The following YIF1A variants were observed in gnomAD, a reference collection of about 807,000 sequenced individuals.
The protein encoded by YIF1A is protein YIF1A.
Under a neutral mutation model 32.6 loss-of-function variants are expected in YIF1A, and 28 were observed. That is an observed-to-expected ratio of 0.86 (90% CI 0.64 to 1.18). The LOEUF (loss-of-function observed/expected upper bound fraction) is 1.18. YIF1A is among the 50% of genes most tolerant of loss of function. The pLI, the probability that YIF1A is intolerant of heterozygous loss-of-function variation, is 0.00. For missense variants in YIF1A, 373 were observed against 390.8 expected (o/e 0.95, Z 0.38); for synonymous variants, 175 against 162.2 (o/e 1.08, Z -0.60).
chr11:66,287,825 G>C lies in YIF1A; in HGVS notation c.335C>G (p.Pro112Arg), dbSNP rs989763212. The C allele has an allele frequency of 1.2e-6, 2 of 1,614,060 alleles. No homozygotes were observed. Among genetic ancestry groups the C allele is most frequent in the Non-Finnish European group, 8.5e-7 (1 of 1,179,994 alleles). ...VAKKLGLLVF[P>R]YTHQNWEVQY... ...TAGGAAGCTCACCTGGTGTGTGTAG[G>C]GGAAGACCAGCAGCCCTAGCTTCTT... Residue 112 changes from proline to arginine, a missense_variant, in exon 3 of 8, where the codon CCC becomes CGC. Transcript: ENST00000376901.
At chr11:66,287,952 A>G in intron 2 of YIF1A, 36 bp from the exon 3 acceptor site, 22 of 1,609,442 alleles carry the variant, frequency 1.4e-5, no homozygotes, top group Non-Finnish European at 1.9e-5. Flanking sequence ...GGCAAGCCGC[A>G]CCCCAGGCCT....
At position 66,285,369 on chromosome 11, in the gene YIF1A, A is replaced by C. The variant is rs1458713717; in HGVS notation, c.641+12T>G. 1.2e-6 allele frequency: 2 copies of C among 1,607,452 alleles called. No individual in the cohort carries two copies. The stretch of plus-strand genomic sequence containing the variant: ...ATCCAAGGCCACCTCCCCCTGGCCC[A>C]CAAGTGCTCACCCCACGTATTTGTA... On this transcript the variant is annotated intron_variant, in intron 6 of 7. Transcript: ENST00000376901.
In YIF1A at chr11:66,285,681, G is replaced by C; in HGVS notation, c.485+20C>G. Reference sequence around the variant, plus strand: ...AGAGCTCACAGGGAGGGGAGGGTAAGGGAGGGGCTTGGCACTGACCTTTTC... The same window carrying C: ...AGAGCTCACAGGGAGGGGAGGGTAACGGAGGGGCTTGGCACTGACCTTTTC... On this transcript the variant is annotated intron_variant, in intron 5 of 7. Coordinates refer to ENST00000376901, the MANE Select transcript of YIF1A (RefSeq NM_020470.3). 15 of 1,613,322 alleles carry C rather than the reference G, an allele frequency of 9.3e-6. No individual in the cohort carries two copies. The highest frequency in any genetic ancestry group is 1.3e-5 in the Non-Finnish European group (15 of 1,179,854).
At chr11:66,287,563 C>G (rs959632137) in intron 4 of YIF1A, 35 bp downstream of exon 4, 7 of 1,590,404 alleles carry the variant, frequency 4.4e-6, no homozygotes, top group Non-Finnish European at 6.0e-6. Flanking sequence ...CCGACCCCAC[C>G]CCACCACGTT....
chr11:66,284,613 T>C lies in YIF1A; in HGVS notation c.*24A>G. The C allele has an allele frequency of 6.2e-7, 1 of 1,610,516 alleles. No homozygotes were observed. Among genetic ancestry groups the C allele is most frequent in the South Asian group, 1.1e-5 (1 of 90,898 alleles). Reference sequence around the variant, plus strand: ...ATCAAATCTTCAATGAATGAAAAACTCAGTGCCATCTGGGGCCAGGGGGTC... The same window carrying C: ...ATCAAATCTTCAATGAATGAAAAACCCAGTGCCATCTGGGGCCAGGGGGTC... On this transcript the variant is annotated 3_prime_UTR_variant, in exon 8 of 8. Coordinates refer to ENST00000376901, the MANE Select transcript of YIF1A (RefSeq NM_020470.3).
At chr11:66,285,248 G>T in intron 6 of YIF1A, 133 bp downstream of exon 6, 1 of 1,351,148 alleles carries the variant, frequency 7.4e-7, no homozygotes. Flanking sequence ...GACTGCTGGA[G>T]ACAGCTGCTC....
chr11:66,288,113 C>A lies in YIF1A; in HGVS notation c.211G>T (p.Ala71Ser). The change falls in exon 2 of 8, where the codon GCA becomes TCA. Residue 71 changes from alanine (A) to serine (S), a missense_variant. Physicochemically the swap from Ala to Ser is moderately conservative, Grantham distance 99. Transcript: ENST00000376901. ...NVAMAYGSSI[A>S]SHGKDMVHKE... ...TGCACCATGTCCTTCCCATGGGATG[C>A]GATGGAGCTGCCATAGGCCATAGCC... 1.2e-6 allele frequency: 2 copies of A among 1,613,934 alleles called. No homozygotes were observed. The highest frequency in any genetic ancestry group is 1.7e-6 in the Non-Finnish European group (2 of 1,179,998).
intron 7 of YIF1A, 35 bp from the exon 8 acceptor site, chr11:66,284,818 G>T: frequency 6.2e-7 from 1 of 1,612,030 alleles, no homozygotes; most frequent in Non-Finnish European, 8.5e-7. Flanking sequence ...TGGCCAGGAG[G>T]GGGAGGTTTG....
intron 1 of YIF1A, 59 bp downstream of exon 1, chr11:66,288,896 G>A (rs1198985097): frequency 7.0e-7 from 1 of 1,433,116 alleles, no homozygotes; most frequent in Non-Finnish European, 9.1e-7. Context: ...GGGTGAGCGG[G>A]CCACGCCGCC....
In YIF1A at chr11:66,285,792, C is replaced by T. The variant is rs754709891; in HGVS notation, c.428-34G>A. The T allele has an allele frequency of 1.2e-5, 20 of 1,610,200 alleles. No individual in the cohort carries two copies. In the African/African-American group the frequency reaches 2.3e-4, roughly 18 times the overall value. Reference sequence around the variant, plus strand: ...TGCCAGAGAGATGCCATCAGCTTGGCTTCCTCCATCAGAGCTGCCTTACTA... The same window carrying T: ...TGCCAGAGAGATGCCATCAGCTTGGTTTCCTCCATCAGAGCTGCCTTACTA... On this transcript the variant is annotated intron_variant, in intron 4 of 7. Transcript: ENST00000376901.
chr11:66,285,611 G>C (rs773535411), intron 5 of YIF1A, 75 bp from the exon 6 acceptor site: 1 of 1,610,420 alleles, frequency 6.2e-7, no homozygotes, highest in Non-Finnish European at 8.5e-7. Flanking sequence ...GGGCAACAGA[G>C]GGTGAGCTGG....
chr11:66,287,041 T>C (rs1176861486), intron 4 of YIF1A: 1 of 158,664 alleles, frequency 6.3e-6, no homozygotes, highest in African/African-American at 2.4e-5. Flanking sequence ...GGACAGGCAG[T>C]TGTGGGAACC....
chr11:66,288,846 C>T (rs912797741), intron 1 of YIF1A, 109 bp downstream of exon 1: 11 of 1,274,766 alleles, frequency 8.6e-6, no homozygotes, highest in Admixed American at 7.2e-5. Context: ...CCGAGTGACA[C>T]CCCCGCCCTG....
intron 1 of YIF1A, 112 bp from the exon 2 acceptor site, chr11:66,288,404 T>C: frequency 7.8e-7 from 1 of 1,285,228 alleles, no homozygotes; most frequent in Admixed American, 2.0e-5. Flanking sequence ...CACCGATCAG[T>C]GAGGGGACCC....
chr11:66,288,895 G>C (rs1035721295), intron 1 of YIF1A, 60 bp downstream of exon 1: 38 of 1,432,870 alleles, frequency 2.7e-5, no homozygotes, highest in Non-Finnish European at 3.0e-5. Flanking sequence ...GGGGTGAGCG[G>C]GCCACGCCGC....
rs200266698 is a variant in YIF1A at position 66,284,946 on chromosome 11, G to A, written c.662C>T (p.Thr221Met). The A allele has an allele frequency of 4.4e-5, 71 of 1,613,208 alleles. No homozygotes were observed. The highest frequency in any genetic ancestry group is 1.2e-4 in the Admixed American group (7 of 59,992). Residue 221 changes from threonine to methionine, a missense_variant, in exon 7 of 8, where the codon ACG becomes ATG. By Grantham distance (81) the Thr-to-Met change is moderately conservative (BLOSUM62 -1). Transcript: ENST00000376901. Reference protein sequence around the residue: ...KYVGMILSVLTGLLFGSDGYY... With the variant: ...KYVGMILSVLMGLLFGSDGYY... ...GCCATCGCTGCCGAACAGCAGCCCC[G>A]TGAGCACACTGAGGATCATTCTGGG...
chr11:66,288,919 G>T, intron 1 of YIF1A, 36 bp downstream of exon 1: 1 of 1,460,256 alleles, frequency 6.8e-7, no homozygotes, highest in Non-Finnish European at 8.9e-7. Context: ...CTCTCCCCCC[G>T]CCGGCCGCGC....
rs1857413784 is a variant in YIF1A at position 66,289,075 on chromosome 11, G to T, written c.-90C>A. 1 of 1,458,318 alleles carries T rather than the reference G, an allele frequency of 6.9e-7. No individual in the cohort carries two copies. Among genetic ancestry groups the T allele is most frequent in the South Asian group, 1.3e-5 (1 of 76,328 alleles). The allele number at this position is 1,458,318 out of a possible 1,614,324, so 90.3% of individuals were successfully genotyped here. On this transcript the variant is annotated 5_prime_UTR_variant, in exon 1 of 8. Transcript: ENST00000376901. ...GCAGCTGCTCCGCGCCCAGGGTACC[G>T]ACCGAGGCCACCCGGCCGCGCGACA...
In YIF1A at chr11:66,289,134, C is replaced by A; in HGVS notation, c.-149G>T. On this transcript the variant is annotated 5_prime_UTR_variant, in exon 1 of 8. Transcript: ENST00000376901. ...ACCCCGCCGGTCTCGGCCACCATGT[C>A]CGTGGCGTCATCCCCCGCGCCTGCC... 1.6e-6 allele frequency: 2 copies of A among 1,221,490 alleles called. No individual in the cohort carries two copies. The highest frequency in any genetic ancestry group is 2.1e-6 in the Non-Finnish European group (2 of 933,864). The allele number at this position is 1,221,490 out of a possible 1,614,324, so 75.7% of individuals were successfully genotyped here. A position where few individuals can be genotyped will look rare whatever the true frequency, so the allele number is the denominator to read the frequency against.
Sources: allele counts gnomAD v4.1 joint callset, GRCh38; gene constraint gnomAD v4.1.1; transcripts MANE v1.5; gene names NCBI Gene and HGNC (gene_info 2026-07-23, HGNC 2026-07-21).